Variants in ITSN1 observed in about 807,000 individuals in gnomAD.
ITSN1 encodes the protein intersectin-1.
Under a neutral mutation model 239.8 loss-of-function variants are expected in ITSN1, and 58 were observed. That is an observed-to-expected ratio of 0.24 (90% confidence interval 0.20 to 0.30). The LOEUF (loss-of-function observed/expected upper bound fraction) is 0.30, where lower values mean the gene tolerates loss of function less well. Among genes scored for constraint, ITSN1 ranks in the 10% least tolerant of loss-of-function variants. The probability of loss-of-function intolerance (pLI) is 1.00; values close to 1 mark genes in which losing one functional copy is unlikely to be tolerated. For synonymous variants in ITSN1, 780 were observed against 770.8 expected, an observed-to-expected ratio of 1.01 and a Z score of -0.20; for missense variants, 1,558 against 2,103.3, an observed-to-expected ratio of 0.74 and a Z score of 5.07.
At chr21:33,869,757 T>C (rs181041912) in intron 33 of ITSN1, among the ~76,000 whole-genome samples, 1 of 152,136 alleles carries the variant, frequency 6.6e-6, no homozygotes. Flanking sequence ...AACTCAGATG[T>C]GGGCACTGGC....
intron 5 of ITSN1, among the ~76,000 whole-genome samples, chr21:33,744,236 G>A (rs1331903268): frequency 6.6e-6 from 1 of 152,058 alleles, no homozygotes; most frequent in Admixed American, 6.5e-5. Flanking sequence ...ACTGTTGTCT[G>A]AGATATGTGG....
rs918229525 is a variant in ITSN1, at chr21:33,846,487, C to A, written c.3661+9855C>A. Among the ~76,000 whole-genome samples the A allele has an allele frequency of 4.6e-5, 7 of 152,236 alleles. No homozygotes were observed. The South Asian group carries it at 1.0e-3, about 22-fold the overall frequency. On this transcript the variant is annotated intron_variant, in intron 29 of 39. Coordinates refer to ENST00000381318, the MANE Select transcript of ITSN1 (RefSeq NM_003024.3). ...ATCCCCATTAAGACCTCCATGGTAA[C>A]AACACTAATGAACAGCGATGGTACC...
chr21:33,739,896 A>G (rs1382529152), intron 5 of ITSN1, among the ~76,000 whole-genome samples: 1 of 152,240 alleles, frequency 6.6e-6, no homozygotes, highest in African/African-American at 2.4e-5. Flanking sequence ...GGGGACAAGA[A>G]TGGAATCCTG....
At chr21:33,874,943 G>A (rs1006528830) in intron 33 of ITSN1, among the ~76,000 whole-genome samples, 3 of 152,278 alleles carry the variant, frequency 2.0e-5, no homozygotes, top group Non-Finnish European at 4.4e-5. Flanking sequence ...CACTGTGCCC[G>A]GCCAAGGGTA....
rs8134374 is a variant in ITSN1 at position 33,895,430 on chromosome 21, C to T, written c.*7130C>T. The T allele has an allele frequency of 0.31, 46,655 of 151,432 alleles. 7,588 individuals carry two copies. Among genetic ancestry groups the T allele is most frequent in the African/African-American group, 0.42 (17,301 of 41,160 alleles). The allele number at this position is 151,432 out of a possible 1,614,324, so 9.4% of individuals were successfully genotyped here. A position where few individuals can be genotyped will look rare whatever the true frequency, so the allele number is the denominator to read the frequency against. On this transcript the variant is annotated 3_prime_UTR_variant, in exon 40 of 40. Transcript: ENST00000381318. ...GTGTGTGCATGCGTGTTTGTGCGTG[C>T]GTGTGCATGTATGTGTTTGTGCGTG...
In ITSN1 at chr21:33,886,053, A is replaced by G. The variant is rs557417080; in HGVS notation, c.4844-234A>G. ...GAAAGCCCGTCTTTACTAAAAATAT[A>G]AAAAATTAGCCAGGCATGGGGGCAG... On this transcript the variant is annotated intron_variant, in intron 38 of 39. Coordinates refer to ENST00000381318, the MANE Select transcript of ITSN1 (RefSeq NM_003024.3). Among the ~76,000 whole-genome samples the G allele has an allele frequency of 3.3e-5, 5 of 152,116 alleles. 1 individual carries two copies. In the South Asian group the frequency reaches 1.0e-3, roughly 32 times the overall value.
At chr21:33,743,059 G>T (rs746563058) in intron 5 of ITSN1, among the ~76,000 whole-genome samples, 2 of 152,018 alleles carry the variant, frequency 1.3e-5, no homozygotes, top group Non-Finnish European at 2.9e-5. Flanking sequence ...GTGACAGAAA[G>T]AATGAGAAAT....
intron 16 of ITSN1, 25 bp from the exon 17 acceptor site, chr21:33,794,316 T>C (rs1308727713): frequency 1.3e-6 from 2 of 1,572,224 alleles, no homozygotes; most frequent in African/African-American, 2.7e-5. Flanking sequence ...TGTCGCTACA[T>C]GAACTGTTTC....
At chr21:33,859,748 A>T (rs2148485804) in intron 31 of ITSN1, among the ~76,000 whole-genome samples, 1 of 152,222 alleles carries the variant, frequency 6.6e-6, no homozygotes, top group South Asian at 2.1e-4. Flanking sequence ...GGAGGGATGG[A>T]GAGGAGGTGT....
intron 22 of ITSN1, among the ~76,000 whole-genome samples, chr21:33,816,749 T>C (rs758665309): frequency 1.3e-5 from 2 of 152,008 alleles, no homozygotes; most frequent in East Asian, 3.8e-4. Context: ...GGCTGTGGGA[T>C]GAGGAGCTAC....
At chr21:33,652,497 CA>C (rs1344281068) in intron 1 of ITSN1, among the ~76,000 whole-genome samples, 1 of 152,046 alleles carries the variant, frequency 6.6e-6, no homozygotes, top group Admixed American at 6.5e-5. Context: ...TATATGTAAT[CA>C]GTCACTTATT....
intron 16 of ITSN1, among the ~76,000 whole-genome samples, chr21:33,782,572 G>A (rs2070285309): frequency 6.6e-6 from 1 of 152,040 alleles, no homozygotes; most frequent in Non-Finnish European, 1.5e-5. Flanking sequence ...TGGAGTAATT[G>A]CTTTTGTCTC....
chr21:33,862,416 AAAAAT>A (rs1301336697), intron 31 of ITSN1, among the ~76,000 whole-genome samples: 1 of 152,238 alleles, frequency 6.6e-6, no homozygotes, highest in Non-Finnish European at 1.5e-5. Flanking sequence ...AGGAAAAATA[AAAAAT>A]AAAAATCAGT....
rs540717190 is a variant in ITSN1, at chr21:33,667,695, C to T, written c.-33+24982C>T. On this transcript the variant is annotated intron_variant, in intron 1 of 39. Transcript: ENST00000381318. ...ATGGTTAAGTAACTTATCTGTGGTCCGACGGCTAGTAAGTGGCAGGTCTGG... is the reference window on the plus strand; with the variant it reads ...ATGGTTAAGTAACTTATCTGTGGTCTGACGGCTAGTAAGTGGCAGGTCTGG... Among the ~76,000 whole-genome samples the T allele has an allele frequency of 7.2e-5, 11 of 152,162 alleles. No individual in the cohort carries two copies. The East Asian group carries it at 1.2e-3, about 16-fold the overall frequency.
intron 1 of ITSN1, among the ~76,000 whole-genome samples, chr21:33,649,570 A>T (rs2088315358): frequency 2.0e-5 from 3 of 152,086 alleles, no homozygotes; most frequent in African/African-American, 4.8e-5. Flanking sequence ...CTCAGTTTTC[A>T]GTTGGTCACC....
At chr21:33,857,358 G>C (rs1416607372) in intron 30 of ITSN1, among the ~76,000 whole-genome samples, 1 of 152,220 alleles carries the variant, frequency 6.6e-6, no homozygotes, top group Admixed American at 6.5e-5. Context: ...AAAAGCCCCT[G>C]ACCTGAGTGA....
At chr21:33,711,657 TGTG>T (rs1213549243) in intron 1 of ITSN1, among the ~76,000 whole-genome samples, 2 of 51,406 alleles carry the variant, frequency 3.9e-5, no homozygotes, top group Non-Finnish European at 7.3e-5. Flanking sequence ...GTGTGTTGTG[TGTG>T]TGTGTGTGTG....
At chr21:33,719,338 G>T (rs1057482095) in intron 2 of ITSN1, among the ~76,000 whole-genome samples, 1 of 152,192 alleles carries the variant, frequency 6.6e-6, no homozygotes, top group South Asian at 2.1e-4. Flanking sequence ...CTACTTGGGA[G>T]GCTGAGGCAG....
At chr21:33,874,652 TTC>T (rs1228390752) in intron 33 of ITSN1, among the ~76,000 whole-genome samples, 2 of 142,078 alleles carry the variant, frequency 1.4e-5, no homozygotes, top group Non-Finnish European at 3.1e-5. Flanking sequence ...TTCTTTTTCT[TTC>T]TTTTTTTTTT....
Sources: allele counts gnomAD v4.1 joint callset (sites outside exome capture counted in the v4.1 genomes callset), GRCh38; gene constraint gnomAD v4.1.1; transcripts MANE v1.5; gene names NCBI Gene and HGNC (gene_info 2026-07-23, HGNC 2026-07-21).